Variants in LCLAT1 observed in about 807,000 individuals in gnomAD.
LCLAT1 encodes lysocardiolipin acyltransferase 1.
LCLAT1 carries 11 observed loss-of-function variants against 30.7 expected under a neutral mutation model. The ratio of observed to expected loss-of-function variants is 0.36; its 90% CI spans 0.23 to 0.59. The LOEUF is 0.59. Ranked by LOEUF, LCLAT1 falls within the 20% of genes least tolerant of loss-of-function variation. The pLI is 0.77. For missense variants in LCLAT1, 402 were observed against 458.6 expected (o/e 0.88, Z 1.13); for synonymous variants, 155 against 151.3 (o/e 1.02, Z -0.18).
chr2:30,621,613 T>A (rs1377653994), intron 5 of LCLAT1, among the ~76,000 whole-genome samples: 1 of 152,070 alleles, frequency 6.6e-6, no homozygotes, highest in Non-Finnish European at 1.5e-5. Flanking sequence ...CAAAAAACTG[T>A]GAGCGACCAA....
chr2:30,629,001 A>G (rs547016855), intron 5 of LCLAT1, among the ~76,000 whole-genome samples: 1 of 152,316 alleles, frequency 6.6e-6, no homozygotes, highest in East Asian at 1.9e-4. Flanking sequence ...AATCTGTGAT[A>G]AAGAAGGGAC....
intron 5 of LCLAT1, chr2:30,606,081 A>C (rs1172760681): frequency 6.5e-6 from 8 of 1,230,892 alleles, no homozygotes; most frequent in Non-Finnish European, 8.6e-6. Context: ...TGCTCAAGGA[A>C]ATCAGAGAGG....
At chr2:30,478,756 A>C (rs554193587) in intron 1 of LCLAT1, among the ~76,000 whole-genome samples, 1 of 152,306 alleles carries the variant, frequency 6.6e-6, no homozygotes, top group South Asian at 2.1e-4. Context: ...CACATAAACA[A>C]ATGAAGTAAC....
intron 1 of LCLAT1, among the ~76,000 whole-genome samples, chr2:30,470,084 T>G (rs1241037220): frequency 6.6e-6 from 1 of 152,092 alleles, no homozygotes; most frequent in Non-Finnish European, 1.5e-5. Context: ...AGTGTCAAAA[T>G]GGTCTTGTGT....
At chr2:30,458,262 A>C (rs1177997223) in intron 1 of LCLAT1, among the ~76,000 whole-genome samples, 1 of 152,222 alleles carries the variant, frequency 6.6e-6, no homozygotes, top group Non-Finnish European at 1.5e-5. Flanking sequence ...CAATTCAGTA[A>C]ACAGTGGTTG....
chr2:30,463,261 A>G (rs1030138850), intron 1 of LCLAT1, among the ~76,000 whole-genome samples: 1 of 152,070 alleles, frequency 6.6e-6, no homozygotes, highest in East Asian at 1.9e-4. Flanking sequence ...TACCTATACA[A>G]TTTTGTAACC....
At position 30,523,549 on chromosome 2, in the gene LCLAT1, C is replaced by G. The variant is rs146263918; in HGVS notation, c.-4-2038C>G. ...AGTTTGTACTTTGAAGGATTTTGTA[C>G]ACGTACTGTCAAGTATCAGTAGAAA... On this transcript the variant is annotated intron_variant, in intron 1 of 5. Transcript: ENST00000379509. 5.3e-5 allele frequency among the ~76,000 whole-genome samples: 8 copies of G among 152,306 alleles called. No individual in the cohort carries two copies. In the East Asian group the frequency reaches 1.5e-3, roughly 29 times the overall value.
chr2:30,551,825 A>C lies in LCLAT1; in HGVS notation c.365-10321A>C, dbSNP rs546487327. On this transcript the variant is annotated intron_variant, in intron 3 of 5. Transcript: ENST00000379509. Reference sequence around the variant, plus strand: ...TCTTGTGCCTCCCTCTTCCACTTAAAAAAAATTTATTTTTAATTTTCATAG... The same window carrying C: ...TCTTGTGCCTCCCTCTTCCACTTAACAAAAATTTATTTTTAATTTTCATAG... Among the ~76,000 whole-genome samples the C allele has an allele frequency of 1.2e-4, 19 of 152,328 alleles. No individual in the cohort carries two copies. The South Asian group carries it at 3.9e-3, about 32-fold the overall frequency.
intron 1 of LCLAT1, among the ~76,000 whole-genome samples, chr2:30,461,212 A>G (rs1297845045): frequency 2.0e-5 from 3 of 152,126 alleles, no homozygotes; most frequent in Non-Finnish European, 2.9e-5. Flanking sequence ...GTGGGATCTG[A>G]TACGAACTCC....
intron 1 of LCLAT1, among the ~76,000 whole-genome samples, chr2:30,468,552 G>T (rs1682599109): frequency 6.6e-6 from 1 of 151,900 alleles, no homozygotes. Flanking sequence ...GAAATTTACT[G>T]TACAAGAAAT....
rs1398194069 is a variant in LCLAT1, at chr2:30,644,192, C to T, written c.*3573C>T. ...TGTGAGTTGTGTTATCTGTAATATA[C>T]ATCCCAGAATAAAGGAGTGAATTAA... On this transcript the variant is annotated 3_prime_UTR_variant, in exon 6 of 6. Coordinates refer to ENST00000379509, the MANE Select transcript of LCLAT1 (RefSeq NM_001002257.3). 1 of 152,140 alleles carries T rather than the reference C, an allele frequency of 6.6e-6. No individual in the cohort carries two copies. Among genetic ancestry groups the T allele is most frequent in the African/African-American group, 2.4e-5 (1 of 41,424 alleles). The allele number at this position is 152,140 out of a possible 1,614,324, so 9.4% of individuals were successfully genotyped here. A position where few individuals can be genotyped will look rare whatever the true frequency, so the allele number is the denominator to read the frequency against.
At chr2:30,573,423 T>G (rs1296676304) in intron 5 of LCLAT1, among the ~76,000 whole-genome samples, 1 of 152,166 alleles carries the variant, frequency 6.6e-6, no homozygotes, top group African/African-American at 2.4e-5. Context: ...CTGAGATAGG[T>G]ATCCAGGTAC....
At chr2:30,586,185 G>A (rs1371792590) in intron 5 of LCLAT1, among the ~76,000 whole-genome samples, 4 of 139,918 alleles carry the variant, frequency 2.9e-5, no homozygotes, top group African/African-American at 8.3e-5. Flanking sequence ...CGGAGCTTGC[G>A]AAGCCGAGAT....
intron 1 of LCLAT1, among the ~76,000 whole-genome samples, chr2:30,471,801 C>T (rs1241819837): frequency 1.3e-5 from 2 of 152,074 alleles, no homozygotes; most frequent in African/African-American, 4.8e-5. Context: ...ATTTTCTATA[C>T]ATAGGATCAT....
chr2:30,569,647 T>C (rs768066481), intron 5 of LCLAT1, among the ~76,000 whole-genome samples: 15 of 152,212 alleles, frequency 9.9e-5, no homozygotes, highest in Non-Finnish European at 1.9e-4. Flanking sequence ...TTGTTCTCTT[T>C]AGGATTTAAT....
In LCLAT1 at chr2:30,496,931, C is replaced by T. The variant is rs148051860; in HGVS notation, c.-4-28656C>T. ...TTTAGCTCTGCTACTGTTATTATTT[C>T]TGGCCTTTCTGGAAGAGCATACAAC... On this transcript the variant is annotated intron_variant, in intron 1 of 5. Coordinates refer to ENST00000379509, the MANE Select transcript of LCLAT1 (RefSeq NM_001002257.3). Among the ~76,000 whole-genome samples the T allele has an allele frequency of 1.9e-3, 287 of 152,300 alleles. 1 individual carries two copies. Among genetic ancestry groups the T allele is most frequent in the African/African-American group, 6.8e-3 (281 of 41,552 alleles).
chr2:30,450,960 A>G (rs763408361), intron 1 of LCLAT1, among the ~76,000 whole-genome samples: 60 of 151,910 alleles, frequency 3.9e-4, no homozygotes, highest in South Asian at 8.4e-4. Context: ...CAATTTATAT[A>G]TCTGACCAAG....
intron 1 of LCLAT1, among the ~76,000 whole-genome samples, chr2:30,503,566 G>C (rs902218479): frequency 2.0e-5 from 3 of 152,150 alleles, no homozygotes; most frequent in Non-Finnish European, 2.9e-5. Flanking sequence ...CTTAGCATGG[G>C]TGTATGTGGT....
chr2:30,594,358 A>ACACCCACCAC (rs558252497), intron 5 of LCLAT1, among the ~76,000 whole-genome samples: 120 of 152,282 alleles, frequency 7.9e-4, no homozygotes, highest in African/African-American at 2.7e-3. Context: ...GAACACCCAT[A>ACACCCACCAC]CACCCACCAC....
Sources: gnomAD v4.1 joint callset for allele counts (sites outside exome capture counted in the v4.1 genomes callset) on GRCh38, gnomAD v4.1.1 for gene constraint, MANE v1.5 for transcripts, NCBI Gene and HGNC (gene_info 2026-07-23, HGNC 2026-07-21) for gene names.